PPP1R10: variants seen among roughly 807,000 people sequenced by gnomAD.
The protein encoded by PPP1R10 is serine/threonine-protein phosphatase 1 regulatory subunit 10.
Under a neutral mutation model 99.0 loss-of-function variants are expected in PPP1R10, and 15 were observed. That is an observed-to-expected ratio of 0.15 (90% confidence interval 0.10 to 0.23). PPP1R10 has a LOEUF of 0.23. PPP1R10 is among the 10% of genes least tolerant of loss of function. The pLI, the probability that PPP1R10 is intolerant of heterozygous loss-of-function variation, is 1.00. For synonymous variants in PPP1R10, 430 were observed against 449.5 expected (o/e 0.96, Z 0.55); for missense variants, 947 against 1,259.4 (o/e 0.75, Z 3.75).
chr6:30,603,029 C>A, intron 17 of PPP1R10, 70 bp from the exon 18 acceptor site: 1 of 1,430,008 alleles, frequency 7.0e-7, no homozygotes. Context: ...CATTTAGGTG[C>A]AACCAACTGA....
rs562527144 is a variant in PPP1R10 at position 30,608,542 on chromosome 6, C to T, written c.330+237G>A. Among the ~76,000 whole-genome samples the T allele has an allele frequency of 1.9e-4, 29 of 152,250 alleles. 1 individual carries two copies. Among genetic ancestry groups the T allele is most frequent in the African/African-American group, 7.0e-4 (29 of 41,568 alleles). On this transcript the variant is annotated intron_variant, in intron 5 of 19. Transcript: ENST00000376511. ...GGTCTCAGTCTCCTGACCTCATGAT[C>T]CGCCCGCCTCAGCCTCTCAAAGTGC...
chr6:30,609,106 C>A lies in PPP1R10; in HGVS notation c.165G>T (p.Leu55=). The change falls in exon 4 of 20, where the codon CTG becomes CTT. Residue 55 remains leucine, a synonymous_variant. Coordinates refer to ENST00000376511, the MANE Select transcript of PPP1R10 (RefSeq NM_002714.4). The surrounding 1 kb of genome is among the most constrained non-coding windows in gnomAD (Gnocchi z 4.5). Reference sequence around the variant, plus strand: ...CCAATATTTCTGGTGAACGGGTCTGCAGGAGAATGTTCAAGTAAGTGCATC... The same window carrying A: ...CCAATATTTCTGGTGAACGGGTCTGAAGGAGAATGTTCAAGTAAGTGCATC... The part of the protein sequence containing the change: ...VSRCTYLNIL[L]QTRSPEILVK... The A allele has an allele frequency of 6.2e-7, 1 of 1,613,888 alleles. No individual in the cohort carries two copies. Among genetic ancestry groups the A allele is most frequent in the Non-Finnish European group, 8.5e-7 (1 of 1,180,036 alleles).
rs970862691 is a variant in PPP1R10, at chr6:30,603,270, G to A, written c.1783C>T (p.His595Tyr). 1 of 1,613,366 alleles carries A rather than the reference G, an allele frequency of 6.2e-7. No homozygotes were observed. The highest frequency in any genetic ancestry group is 8.5e-7 in the Non-Finnish European group (1 of 1,179,328). Residue 595 changes from histidine to tyrosine, a missense_variant, in exon 17 of 20, where the codon CAT (histidine) becomes TAT (tyrosine). This residue lies in a region of PPP1R10 where 525 missense variants were observed against 578.8 expected (regional missense o/e 0.91). Coordinates refer to ENST00000376511, the MANE Select transcript of PPP1R10 (RefSeq NM_002714.4). Reference protein sequence around the residue: ...LTSIMGSPNSHPSEELLKQPD... With the variant: ...LTSIMGSPNSYPSEELLKQPD... ...TGTTTCAGTAGTTCCTCTGAAGGAT[G>A]ACTGTTTGGGCTACCCTGTGAGGAT...
Position 30,602,638 on chromosome 6 carries a change from G to C in PPP1R10, c.2011C>G (p.Pro671Ala). 6.3e-7 allele frequency: 1 copy of C among 1,598,226 alleles called. No individual in the cohort carries two copies. The highest frequency in any genetic ancestry group is 1.3e-5 in the African/African-American group (1 of 74,326). The change falls in exon 19 of 20, where the codon CCC becomes GCC. Residue 671 changes from proline to alanine, a missense_variant. By Grantham distance (27) the Pro-to-Ala change is conservative. Transcript: ENST00000376511. The surrounding 1 kb of genome is among the most constrained non-coding windows in gnomAD (Gnocchi z 6.7). ...PVGPRLLGPP[P>A]PPRGGDPFWD... ...AAGGGATCACCTCCCCGGGGAGGGGGTGGAGGACCCAGAAGACGTGGACCC... is the reference window on the plus strand; with the variant it reads ...AAGGGATCACCTCCCCGGGGAGGGGCTGGAGGACCCAGAAGACGTGGACCC...
At position 30,606,108 on chromosome 6, in the gene PPP1R10, CCATT is replaced by C; in HGVS notation, c.740+26_740+29del. 6.2e-7 allele frequency: 1 copy of C among 1,613,350 alleles called. No homozygotes were observed. Among genetic ancestry groups the C allele is most frequent in the African/African-American group, 1.3e-5 (1 of 75,016 alleles). On this transcript the variant is annotated intron_variant, in intron 9 of 19. Coordinates refer to ENST00000376511, the MANE Select transcript of PPP1R10 (RefSeq NM_002714.4). This position sits in a 1 kb window ranked among gnomAD's most constrained non-coding sequence, Gnocchi z 6.3. ...GCTCCCTTGTGTCCACAGATCCACC[CCATT>C]CAGAGCCTGAGAATATGGTCCATAC...
At position 30,603,525 on chromosome 6, in the gene PPP1R10, G is replaced by T. The variant is rs750252159; in HGVS notation, c.1714C>A (p.Gln572Lys). The change falls in exon 16 of 20, where the codon CAA becomes AAA. Residue 572 changes from glutamine (Q) to lysine (K), a missense_variant. Transcript: ENST00000376511. ...TTAATGCCTCCTCCTCCAGGGCCTT[G>T]GGGGCCCTTTCCAGCACCCATGCTT... ...MGSMGAGKGP[Q>K]GPGGGGINVQ... The T allele has an allele frequency of 9.9e-6, 16 of 1,613,760 alleles. No homozygotes were observed. Among genetic ancestry groups the T allele is most frequent in the Non-Finnish European group, 1.4e-5 (16 of 1,179,882 alleles).
In PPP1R10 at chr6:30,601,644, G is replaced by A; in HGVS notation, c.2728C>T (p.Pro910Ser). The A allele has an allele frequency of 6.2e-7, 1 of 1,614,086 alleles. No homozygotes were observed. The highest frequency in any genetic ancestry group is 8.5e-7 in the Non-Finnish European group (1 of 1,179,988). ...HSHGGDMSNR[P>S]VCRHFMMKGN... is the part of the protein sequence containing the mutation. ...TTCATCATGAAATGTCGGCAGACAG[G>A]GCGGTTTGACATGTCTGTGGGAACG... Residue 910 changes from proline to serine, a missense_variant, in exon 20 of 20, where the codon CCT (proline) becomes TCT (serine). By Grantham distance (74) the Pro-to-Ser change is moderately conservative (BLOSUM62 -1). Coordinates refer to ENST00000376511, the MANE Select transcript of PPP1R10 (RefSeq NM_002714.4).
chr6:30,604,442 C>A lies in PPP1R10; in HGVS notation c.1172G>T (p.Arg391Leu). Residue 391 changes from arginine to leucine, a missense_variant, in exon 13 of 20, where the codon CGG (arginine) becomes CTG (leucine). By Grantham distance (102) the Arg-to-Leu change is moderately radical (BLOSUM62 -2). This residue lies in a region of PPP1R10 where 100 missense variants were observed against 105.8 expected (regional missense o/e 0.94). Coordinates refer to ENST00000376511, the MANE Select transcript of PPP1R10 (RefSeq NM_002714.4). This position sits in a 1 kb window ranked among gnomAD's most constrained non-coding sequence, Gnocchi z 7.3. ...CACACTTTTCCTCTTCCTGCCTTTC[C>A]GGGTCAGTTGGTTAGGATCTCCAGG... ...ESPGDPNQLTRKGRKRKSVTW... is the reference protein window; with the variant it reads ...ESPGDPNQLTLKGRKRKSVTW... 6.2e-7 allele frequency: 1 copy of A among 1,613,246 alleles called. No individual in the cohort carries two copies. Among genetic ancestry groups the A allele is most frequent in the Non-Finnish European group, 8.5e-7 (1 of 1,180,030 alleles).
Position 30,609,524 on chromosome 6 carries a change from G to A in PPP1R10, c.107+314C>T, listed in dbSNP as rs554380001. ...CTGAAAAACCTGAGAATCCCTGAAG[G>A]AAAATAACATTATGGGTAGGTGGAA... On this transcript the variant is annotated intron_variant, in intron 3 of 19. Transcript: ENST00000376511. The surrounding 1 kb of genome is among the most constrained non-coding windows in gnomAD (Gnocchi z 4.5). Among the ~76,000 whole-genome samples the A allele has an allele frequency of 1.6e-4, 25 of 152,216 alleles. 1 individual carries two copies. The South Asian group carries it at 4.2e-3, about 25-fold the overall frequency.
rs1376728177 is a variant in PPP1R10, at chr6:30,606,195, C to T, written c.683G>A (p.Ser228Asn). The change falls in exon 9 of 20, where the codon AGC becomes AAC. Residue 228 changes from serine to asparagine, a missense_variant. Around this residue, in one of 10 missense-constraint regions of PPP1R10, gnomAD observed 92 missense variants for 159.2 expected, o/e 0.58. Coordinates refer to ENST00000376511, the MANE Select transcript of PPP1R10 (RefSeq NM_002714.4). The surrounding 1 kb of genome is among the most constrained non-coding windows in gnomAD (Gnocchi z 6.3). ...GTACTTGTCAGAAACCACCACTGTG[C>T]TGGCATTCTTCTTCACAGGCACCAA... ...PSLVPVKKNA[S>N]TVVVSDKYNL... 6.2e-7 allele frequency: 1 copy of T among 1,614,192 alleles called. No homozygotes were observed.
At chr6:30,614,452 T>G (rs1804873933) in intron 2 of PPP1R10, 1 of 152,204 alleles carries the variant, frequency 6.6e-6, no homozygotes, top group Non-Finnish European at 1.5e-5. Flanking sequence ...CAGGAACTAA[T>G]CAAGTGCAGA....
chr6:30,609,750 G>T lies in PPP1R10; in HGVS notation c.107+88C>A. The T allele has an allele frequency of 8.6e-7, 1 of 1,159,688 alleles. No homozygotes were observed. 71.8% of individuals were successfully genotyped at this position (1,159,688 alleles called of 1,614,324 possible). ...GACTATCTTTCCCTTTCCTTTCCAG[G>T]ATCATTCCAGTGTGCCTCAACTGCA... On this transcript the variant is annotated intron_variant, in intron 3 of 19. Transcript: ENST00000376511. This position sits in a 1 kb window ranked among gnomAD's most constrained non-coding sequence, Gnocchi z 4.5.
chr6:30,602,580 C>T lies in PPP1R10; in HGVS notation c.2069G>A (p.Gly690Asp). 6.4e-7 allele frequency: 1 copy of T among 1,567,886 alleles called. No homozygotes were observed. The highest frequency in any genetic ancestry group is 2.0e-5 in the Admixed American group (1 of 51,074). The change falls in exon 19 of 20, where the codon GGC becomes GAC. Residue 690 changes from glycine (G) to aspartate (D), a missense_variant. Physicochemically the swap from Gly to Asp is moderately conservative, Grantham distance 94. Transcript: ENST00000376511. The surrounding 1 kb of genome is among the most constrained non-coding windows in gnomAD (Gnocchi z 6.7). ...TGGTCCTGGACCCCCCCGCATTGGG[C>T]CACCCCGCATAGGGTCGCCCGGGCC... is the stretch of plus-strand genomic sequence containing the variant. ...WDGPGDPMRG[G>D]PMRGGPGPGP...
rs758080113 is a variant in PPP1R10, at chr6:30,603,594, C to T, written c.1645G>A (p.Ala549Thr). 1.2e-6 allele frequency: 2 copies of T among 1,614,056 alleles called. No individual in the cohort carries two copies. Among genetic ancestry groups the T allele is most frequent in the Non-Finnish European group, 1.7e-6 (2 of 1,179,998 alleles). The change falls in exon 16 of 20, where the codon GCA (alanine) becomes ACA (threonine). Residue 549 changes from alanine (A) to threonine (T), a missense_variant. Around this residue, in one of 10 missense-constraint regions of PPP1R10, gnomAD observed 525 missense variants for 578.8 expected, o/e 0.91. Transcript: ENST00000376511. ...PGGSGGSPDGAGGSKLPPVLA... is the reference protein window; with the variant it reads ...PGGSGGSPDGTGGSKLPPVLA... Reference sequence around the variant, plus strand: ...ACTGGAGGCAACTTGGAGCCTCCTGCCCCATCAGGTGAGCCACCTGACCCC... The same window carrying T: ...ACTGGAGGCAACTTGGAGCCTCCTGTCCCATCAGGTGAGCCACCTGACCCC...
chr6:30,608,848 G>A lies in PPP1R10; in HGVS notation c.261C>T (p.Asn87=). The A allele has an allele frequency of 6.2e-7, 1 of 1,614,138 alleles. No homozygotes were observed. Among genetic ancestry groups the A allele is most frequent in the Non-Finnish European group, 8.5e-7 (1 of 1,179,976 alleles). The part of the protein sequence containing the change: ...NWLTYSKTTN[N]IPLLQQILLT... ...GTAGAATTTGCTGGAGGAGGGGAAT[G>A]TTGTTGGTTGTCTTTGAATACGTCA... is the stretch of plus-strand genomic sequence containing the variant. The change falls in exon 5 of 20, where the codon AAC becomes AAT. Residue 87 remains asparagine (N), a synonymous_variant. Transcript: ENST00000376511.
rs748267819 is a variant in PPP1R10 at position 30,602,306 on chromosome 6, A to G, written c.2343T>C (p.His781=). 1 of 1,609,774 alleles carries G rather than the reference A, an allele frequency of 6.2e-7. No homozygotes were observed. Among genetic ancestry groups the G allele is most frequent in the Admixed American group, 1.7e-5 (1 of 59,764 alleles). The change falls in exon 19 of 20, where the codon CAT becomes CAC. Residue 781 remains histidine (H), a synonymous_variant. Coordinates refer to ENST00000376511, the MANE Select transcript of PPP1R10 (RefSeq NM_002714.4). The surrounding 1 kb of genome is among the most constrained non-coding windows in gnomAD (Gnocchi z 6.7). ...TACCACCAGGGCCTTCATGGGGGCG[A>G]TGCCCACTTCCCATGCCACCGCCAG... is the stretch of plus-strand genomic sequence containing the variant. ...EGPGGGMGSG[H]RPHEGPGGSM... is the part of the protein sequence containing the mutation.
At chr6:30,603,162 A>T in intron 17 of PPP1R10, 48 bp downstream of exon 17, 1 of 1,557,620 alleles carries the variant, frequency 6.4e-7, no homozygotes, top group Non-Finnish European at 8.9e-7. Flanking sequence ...CCCCAACTCC[A>T]CTGCAGGCTT....
rs1284416783 is a variant in PPP1R10 at position 30,617,235 on chromosome 6, C to A, written c.-544G>T. ...GTAGGCAAACTTACCTCTAAACGAA[C>A]CCCAGAATGGCGGCCGCCCGCTCGG... On this transcript the variant is annotated 5_prime_UTR_variant, in exon 1 of 20. Coordinates refer to ENST00000376511, the MANE Select transcript of PPP1R10 (RefSeq NM_002714.4). 1 of 153,788 alleles carries A rather than the reference C, an allele frequency of 6.5e-6. No individual in the cohort carries two copies. The highest frequency in any genetic ancestry group is 1.5e-5 in the Non-Finnish European group (1 of 68,640). 9.5% of individuals were successfully genotyped at this position (153,788 alleles called of 1,614,324 possible).
intron 5 of PPP1R10, 132 bp downstream of exon 5, chr6:30,608,647 T>C: frequency 8.4e-7 from 1 of 1,195,920 alleles, no homozygotes; most frequent in Non-Finnish European, 1.2e-6. Context: ...GTCTTCTTCT[T>C]CTAAATTCCT....
Sources: allele counts gnomAD v4.1 joint callset (sites outside exome capture counted in the v4.1 genomes callset), GRCh38; gene constraint gnomAD v4.1.1; regional missense constraint gnomAD v4.1.1; non-coding constraint Gnocchi (gnomAD v3.1); transcripts MANE v1.5; gene names NCBI Gene and HGNC (gene_info 2026-07-23, HGNC 2026-07-21).